SPAG11A: variants seen among roughly 807,000 people sequenced by gnomAD.
SPAG11A encodes the protein sperm-associated antigen 11A.
A neutral mutation model predicts 5.5 loss-of-function variants in SPAG11A; 2 were observed. That is an observed-to-expected ratio of 0.37 (90% CI 0.15 to 1.15). The LOEUF is 1.15. Ranked by LOEUF, SPAG11A falls within the 50% of genes most tolerant of loss-of-function variation. The pLI, the probability that SPAG11A is intolerant of heterozygous loss-of-function variation, is 0.38. For missense variants in SPAG11A, 24 were observed against 122.5 expected, an observed-to-expected ratio of 0.20 and a Z score of 3.80; for synonymous variants, 11 against 42.7, an observed-to-expected ratio of 0.26 and a Z score of 2.90.
intron 2 of SPAG11A, among the ~76,000 whole-genome samples, chr8:7,860,195 G>T (rs1360593219): frequency 6.7e-6 from 1 of 149,204 alleles, no homozygotes; most frequent in Admixed American, 6.7e-5. Context: ...TGAGGAGAGA[G>T]GTTTTATTTT....
At chr8:7,861,165 A>C (rs1818202590), downstream of SPAG11A, among the ~76,000 whole-genome samples, 1 of 29,470 alleles carries the variant, frequency 3.4e-5, no homozygotes, top group East Asian at 0.024. Context: ...CCATCTGATG[A>C]CTTCTTTCTT....
At chr8:7,852,637 T>C (rs1231203587) in intron 2 of SPAG11A, among the ~76,000 whole-genome samples, 5 of 152,028 alleles carry the variant, frequency 3.3e-5, no homozygotes, top group Non-Finnish European at 5.9e-5. Context: ...CCGGCCAGGT[T>C]ACCGCTTTAT....
intron 2 of SPAG11A, among the ~76,000 whole-genome samples, chr8:7,852,417 G>A (rs1301897910): frequency 3.3e-5 from 5 of 152,138 alleles, no homozygotes; most frequent in Admixed American, 6.5e-5. Context: ...GGGTTCAAGC[G>A]ATTCTCCCAG....
downstream of SPAG11A, among the ~76,000 whole-genome samples, chr8:7,863,213 ATTTTTTTTTTT>A (rs869056010): frequency 8.0e-4 from 6 of 7,526 alleles, no homozygotes; most frequent in African/African-American, 1.8e-3. Flanking sequence ...TGCAGATGGG[ATTTTTTTTTTT>A]TTTTTTTTTT....
rs1480510686 is a variant in SPAG11A, at chr8:7,858,236, C to G, written c.215-2410C>G. Among the ~76,000 whole-genome samples, 4 of 113,244 alleles carry G rather than the reference C, an allele frequency of 3.5e-5. 1 individual carries two copies. Among genetic ancestry groups the G allele is most frequent in the Non-Finnish European group, 8.4e-5 (4 of 47,554 alleles). The allele number at this position is 113,244 out of a possible 152,430, so 74.3% of individuals were successfully genotyped here. A position where few individuals can be genotyped will look rare whatever the true frequency, so the allele number is the denominator to read the frequency against. On this transcript the variant is annotated intron_variant, in intron 2 of 2. Transcript: ENST00000642566. The stretch of plus-strand genomic sequence containing the variant: ...GAAATAAATCTAAGTGATCCTGGGA[C>G]TAAAATCAAATAGGGGCAAAATGTG...
At chr8:7,852,149 C>A (rs551172131) in intron 2 of SPAG11A, among the ~76,000 whole-genome samples, 6 of 149,514 alleles carry the variant, frequency 4.0e-5, no homozygotes, top group South Asian at 2.1e-4. Context: ...TTTGGTATAT[C>A]CGTGGAAGGA....
At chr8:7,858,269 A>T (rs1227657185) in intron 2 of SPAG11A, among the ~76,000 whole-genome samples, 1 of 116,568 alleles carries the variant, frequency 8.6e-6, no homozygotes, top group African/African-American at 2.6e-5. Context: ...GTGCAGCTTT[A>T]TCCACTGTGT....
At chr8:7,852,614 T>G (rs1211063737) in intron 2 of SPAG11A, among the ~76,000 whole-genome samples, 1 of 152,148 alleles carries the variant, frequency 6.6e-6, no homozygotes, top group African/African-American at 2.4e-5. Flanking sequence ...ATTACAGGCG[T>G]GAGCCACCGC....
intron 2 of SPAG11A, 23 bp from the exon 3 acceptor site, chr8:7,860,623 A>G (rs773790003): frequency 1.3e-5 from 18 of 1,413,312 alleles, no homozygotes; most frequent in Non-Finnish European, 1.6e-5. Flanking sequence ...TTAAATGTCA[A>G]CTCTCTTCTG....
In SPAG11A at chr8:7,852,575, T is replaced by C. The variant is rs150312423; in HGVS notation, c.214+3732T>C. Among the ~76,000 whole-genome samples, 16 of 151,954 alleles carry C rather than the reference T, an allele frequency of 1.1e-4. No individual in the cohort carries two copies. The South Asian group carries it at 3.3e-3, about 32-fold the overall frequency. ...CTCAAACTCCCGACCTCAGGTGATC[T>C]GTCCGCCTCGGCCTCCCGAAGTGCT... On this transcript the variant is annotated intron_variant, in intron 2 of 2. Transcript: ENST00000642566.
rs1818107186 is a variant in SPAG11A, at chr8:7,858,568, G to A, written c.215-2078G>A. ...CCAAATTTTTGGAATAATGTGGTACGTTGTCTCTGTTTTTTTTTTCTTTCA... is the reference window on the plus strand; with the variant it reads ...CCAAATTTTTGGAATAATGTGGTACATTGTCTCTGTTTTTTTTTTCTTTCA... On this transcript the variant is annotated intron_variant, in intron 2 of 2. Coordinates refer to ENST00000642566, the Ensembl canonical transcript of SPAG11A. 2.1e-5 allele frequency among the ~76,000 whole-genome samples: 2 copies of A among 93,326 alleles called. 1 individual carries two copies. The allele number at this position is 93,326 out of a possible 152,430, so 61.2% of individuals were successfully genotyped here.
At chr8:7,852,550 C>G (rs1817969700) in intron 2 of SPAG11A, among the ~76,000 whole-genome samples, 1 of 151,746 alleles carries the variant, frequency 6.6e-6, no homozygotes, top group East Asian at 1.9e-4. Context: ...TCAGGCTGGT[C>G]TCAAACTCCC....
At chr8:7,852,629 G>A (rs1370077498) in intron 2 of SPAG11A, among the ~76,000 whole-genome samples, 20 of 152,162 alleles carry the variant, frequency 1.3e-4, no homozygotes, top group Non-Finnish European at 2.1e-4. Flanking sequence ...CACCGCGCCC[G>A]GCCAGGTTAC....
At chr8:7,857,616 T>C (rs1450433236) in intron 2 of SPAG11A, among the ~76,000 whole-genome samples, 3 of 77,412 alleles carry the variant, frequency 3.9e-5, no homozygotes, top group African/African-American at 9.8e-5. Flanking sequence ...AGGTAACTTT[T>C]TTTTTTCTCT....
chr8:7,860,901 G>A lies in SPAG11A; in HGVS notation c.*68G>A, dbSNP rs1238149791. 7.6e-6 allele frequency: 8 copies of A among 1,048,876 alleles called. 1 individual carries two copies. Among genetic ancestry groups the A allele is most frequent in the Non-Finnish European group, 1.0e-5 (8 of 785,354 alleles). 65.0% of individuals were successfully genotyped at this position (1,048,876 alleles called of 1,614,324 possible). ...GGCTTAAAGGAATGTGTGGCTTATA[G>A]TAGGTGTTCAATAAATATTTGTTGA... On this transcript the variant is annotated 3_prime_UTR_variant, in exon 3 of 3. Coordinates refer to ENST00000642566, the Ensembl canonical transcript of SPAG11A.
rs1388596088 is a variant in SPAG11A, at chr8:7,857,621, T to C, written c.215-3025T>C. 1.8e-4 allele frequency among the ~76,000 whole-genome samples: 14 copies of C among 77,244 alleles called. 3 individuals are homozygous for C. Among genetic ancestry groups the C allele is most frequent in the African/African-American group, 3.6e-4 (11 of 30,522 alleles). The allele number at this position is 77,244 out of a possible 152,430, so 50.7% of individuals were successfully genotyped here. On this transcript the variant is annotated intron_variant, in intron 2 of 2. Coordinates refer to ENST00000642566, the Ensembl canonical transcript of SPAG11A. ...CTAACATTTAAGGTAACTTTTTTTT[T>C]TCTCTCTTTTTTTTTGATGGAGGGT...
intron 2 of SPAG11A, among the ~76,000 whole-genome samples, chr8:7,852,847 A>G (rs1397038311): frequency 2.4e-5 from 1 of 41,230 alleles, no homozygotes; most frequent in African/African-American, 5.2e-5. Flanking sequence ...ATATCTGTAG[A>G]GCCCTTCTAT....
exon 3 of SPAG11A, chr8:7,860,671 T>C (rs1271193767): frequency 2.0e-6 from 3 of 1,521,754 alleles, no homozygotes; most frequent in Non-Finnish European, 2.6e-6. Flanking sequence ...GAATTAGAAA[T>C]ACCATCTGCC....
chr8:7,852,556 C>A (rs1475955315), intron 2 of SPAG11A, among the ~76,000 whole-genome samples: 1 of 151,142 alleles, frequency 6.6e-6, no homozygotes, highest in Non-Finnish European at 1.5e-5. Context: ...TGGTCTCAAA[C>A]TCCCGACCTC....
Sources: gnomAD v4.1 joint callset for allele counts (sites outside exome capture counted in the v4.1 genomes callset) on GRCh38, gnomAD v4.1.1 for gene constraint, MANE v1.5 for transcripts, NCBI Gene and HGNC (gene_info 2026-07-23, HGNC 2026-07-21) for gene names.